The following IL1RAPL1 variants were observed in gnomAD, a reference collection of about 807,000 sequenced individuals.
The protein encoded by IL1RAPL1 is interleukin-1 receptor accessory protein-like 1.
In IL1RAPL1, 3 loss-of-function variants were observed where a neutral mutation model predicts 48.4. The ratio of observed to expected loss-of-function variants is 0.06; its 90% CI spans 0.03 to 0.16. IL1RAPL1 has a LOEUF of 0.16. IL1RAPL1 is among the 10% of genes least tolerant of loss of function. The pLI is 1.00. For missense variants in IL1RAPL1, 349 were observed against 530.6 expected (o/e 0.66, Z 3.36); for synonymous variants, 185 against 187.7 (o/e 0.99, Z 0.12).
intron 6 of IL1RAPL1, among the ~76,000 whole-genome samples, chrX:29,691,772 A>AAAC (rs34962805): frequency 1.1e-5 from 1 of 90,123 alleles, no homozygotes; most frequent in African/African-American, 4.6e-5. Flanking sequence ...AAAAAAAAAA[A>AAAC]CTCACTATAC....
chrX:28,766,450 A>C (rs1936239741), intron 1 of IL1RAPL1, among the ~76,000 whole-genome samples: 1 of 111,025 alleles, frequency 9.0e-6, no homozygotes, highest in African/African-American at 3.3e-5. Flanking sequence ...GATATATGAG[A>C]TGTTCTGATA....
intron 6 of IL1RAPL1, among the ~76,000 whole-genome samples, chrX:29,760,341 GT>G: frequency 8.9e-6 from 1 of 111,840 alleles, no homozygotes; most frequent in South Asian, 3.8e-4. Flanking sequence ...TATCCTGGTT[GT>G]GATATCGTAG....
intron 6 of IL1RAPL1, among the ~76,000 whole-genome samples, chrX:29,702,563 A>C (rs775811791): frequency 8.9e-6 from 1 of 112,060 alleles, no homozygotes; most frequent in Non-Finnish European, 1.9e-5. Context: ...TAGGTGACCC[A>C]TTATAAGGTG....
At chrX:29,105,404 G>A (rs1190224029) in intron 2 of IL1RAPL1, among the ~76,000 whole-genome samples, 1 of 111,895 alleles carries the variant, frequency 8.9e-6, no homozygotes, top group Non-Finnish European at 1.9e-5. Context: ...TATTTTGGCA[G>A]CATTGCTATG....
intron 8 of IL1RAPL1, among the ~76,000 whole-genome samples, chrX:29,939,473 T>C (rs892453530): frequency 8.9e-5 from 10 of 111,895 alleles, no homozygotes; most frequent in Admixed American, 1.9e-4. Flanking sequence ...CAAGACCCAA[T>C]GTATCCCCAC....
At chrX:29,168,687 A>ATATACAAT (rs1569250883) in intron 2 of IL1RAPL1, among the ~76,000 whole-genome samples, 2,751 of 82,997 alleles carry the variant, frequency 0.033, 996 homozygotes, top group Non-Finnish European at 0.046. Context: ...ATATATTCAT[A>ATATACAAT]TGTACAATTG....
intron 1 of IL1RAPL1, among the ~76,000 whole-genome samples, chrX:28,599,279 G>T (rs1438391880): frequency 2.8e-5 from 3 of 108,608 alleles, no homozygotes; most frequent in Non-Finnish European, 5.7e-5. Context: ...ATTGAGGTCA[G>T]TAGGATCACC....
At chrX:29,570,759 A>G (rs1922565382) in intron 5 of IL1RAPL1, among the ~76,000 whole-genome samples, 1 of 112,222 alleles carries the variant, frequency 8.9e-6, no homozygotes, top group Non-Finnish European at 1.9e-5. Context: ...GACAAATGAT[A>G]CTGAGCACTA....
intron 1 of IL1RAPL1, among the ~76,000 whole-genome samples, chrX:28,698,564 G>A (rs1293787188): frequency 9.0e-6 from 1 of 111,250 alleles, no homozygotes; most frequent in Non-Finnish European, 1.9e-5. Flanking sequence ...ATAAAAATCT[G>A]TGAAAACTTT....
intron 2 of IL1RAPL1, among the ~76,000 whole-genome samples, chrX:29,065,141 T>C (rs953681752): frequency 9.7e-6 from 1 of 103,354 alleles, no homozygotes; most frequent in Non-Finnish European, 2.0e-5. Flanking sequence ...GTGAAGGAAA[T>C]TGCCTTTATA....
At chrX:29,747,543 A>C (rs1164554222) in intron 6 of IL1RAPL1, among the ~76,000 whole-genome samples, 1 of 112,002 alleles carries the variant, frequency 8.9e-6, no homozygotes, top group African/African-American at 3.2e-5. Flanking sequence ...AGGAAGACTA[A>C]AGTCACAGTG....
intron 6 of IL1RAPL1, among the ~76,000 whole-genome samples, chrX:29,888,817 T>A (rs2872124): frequency 0.17 from 19,056 of 110,900 alleles, 1,319 homozygotes; most frequent in African/African-American, 0.22. Flanking sequence ...ATAACAGAGG[T>A]AATCTGAATC....
intron 2 of IL1RAPL1, among the ~76,000 whole-genome samples, chrX:28,798,340 C>A (rs1001232664): frequency 4.5e-5 from 5 of 111,711 alleles, no homozygotes; most frequent in African/African-American, 1.6e-4. Flanking sequence ...GATGTTTTAA[C>A]AAATTGCTAC....
At chrX:29,386,572 C>A (rs368254224) in intron 3 of IL1RAPL1, among the ~76,000 whole-genome samples, 1 of 99,060 alleles carries the variant, frequency 1.0e-5, no homozygotes, top group Admixed American at 1.1e-4. Context: ...GAGACAGGGT[C>A]TCATTCTTTC....
At chrX:29,559,109 C>T (rs1922100443) in intron 5 of IL1RAPL1, among the ~76,000 whole-genome samples, 4 of 111,893 alleles carry the variant, frequency 3.6e-5, no homozygotes, top group South Asian at 7.3e-4. Context: ...ATGGACATTT[C>T]AACAATATTA....
At chrX:29,473,252 A>G (rs773950410) in intron 5 of IL1RAPL1, among the ~76,000 whole-genome samples, 5 of 111,759 alleles carry the variant, frequency 4.5e-5, no homozygotes, top group Non-Finnish European at 9.4e-5. Context: ...CATGAGTCAG[A>G]TTAGATTAGA....
In IL1RAPL1 at chrX:29,910,828, C is replaced by G. The variant is rs774205030; in HGVS notation, c.779-6636C>G. Among the ~76,000 whole-genome samples the G allele has an allele frequency of 2.7e-5, 3 of 111,225 alleles. No homozygotes were observed. The South Asian group carries it at 1.2e-3, about 43-fold the overall frequency. On this transcript the variant is annotated intron_variant, in intron 6 of 10. Coordinates refer to ENST00000378993, the MANE Select transcript of IL1RAPL1 (RefSeq NM_014271.4). The stretch of plus-strand genomic sequence containing the variant: ...TAGGGACCACAAAGAGATCCTACTT[C>G]ACTCTCACTAGGATGGCTATAATCA...
chrX:28,665,302 G>A, intron 1 of IL1RAPL1, among the ~76,000 whole-genome samples: 1 of 111,146 alleles, frequency 9.0e-6, no homozygotes, highest in Admixed American at 9.6e-5. Flanking sequence ...AATAGGGTTG[G>A]CAGATAAGTT....
chrX:29,855,736 G>A (rs763746088), intron 6 of IL1RAPL1, among the ~76,000 whole-genome samples: 41 of 109,253 alleles, frequency 3.8e-4, no homozygotes, highest in Middle Eastern at 9.3e-3. Flanking sequence ...TTTTCAACAT[G>A]TTTCAATATC....
Sources: gnomAD v4.1 joint callset for allele counts (sites outside exome capture counted in the v4.1 genomes callset) on GRCh38, gnomAD v4.1.1 for gene constraint, MANE v1.5 for transcripts, NCBI Gene and HGNC (gene_info 2026-07-23, HGNC 2026-07-21) for gene names.